The following UACA variants were observed in gnomAD, a reference collection of about 807,000 sequenced individuals.
UACA encodes the protein nuclear membrane binding protein.
UACA carries 112 observed loss-of-function variants against 160.5 expected under a neutral mutation model. The ratio of observed to expected loss-of-function variants is 0.70; its 90% CI spans 0.60 to 0.82. The LOEUF is 0.82. Ranked by LOEUF, UACA falls within the 40% of genes least tolerant of loss-of-function variation. UACA has a pLI of 0.00. For synonymous variants in UACA, 557 were observed against 568.4 expected, an observed-to-expected ratio of 0.98 and a Z score of 0.29; for missense variants, 1,574 against 1,614.6, an observed-to-expected ratio of 0.97 and a Z score of 0.43.
intron 1 of UACA, among the ~76,000 whole-genome samples, chr15:70,752,775 A>G (rs1187883638): frequency 1.3e-5 from 2 of 152,216 alleles, no homozygotes; most frequent in African/African-American, 4.8e-5. Flanking sequence ...ACACAGTTGT[A>G]GATACACACA....
intron 17 of UACA, 57 bp downstream of exon 17, chr15:70,664,605 C>T (rs1896836347): frequency 1.3e-6 from 2 of 1,532,780 alleles, no homozygotes; most frequent in Admixed American, 4.3e-5. Flanking sequence ...GCCTTACAAA[C>T]TAACTACAGG....
intron 1 of UACA, among the ~76,000 whole-genome samples, chr15:70,735,289 C>T (rs1489595834): frequency 6.6e-6 from 1 of 151,484 alleles, no homozygotes; most frequent in African/African-American, 2.4e-5. Context: ...CCACAAACCT[C>T]GGCAACACAC....
intron 1 of UACA, among the ~76,000 whole-genome samples, chr15:70,720,599 A>G (rs1174579528): frequency 6.6e-6 from 1 of 152,256 alleles, no homozygotes; most frequent in Non-Finnish European, 1.5e-5. Context: ...CTACATAGAT[A>G]AAAGACGTAG....
intron 13 of UACA, among the ~76,000 whole-genome samples, chr15:70,675,850 G>T (rs1359053404): frequency 2.0e-5 from 3 of 152,184 alleles, no homozygotes; most frequent in Non-Finnish European, 2.9e-5. Context: ...GCTTCACTTA[G>T]GCTCCTTTTT....
In UACA at chr15:70,657,551, T is replaced by C. The variant is rs554627299; in HGVS notation, c.4180-424A>G. On this transcript the variant is annotated intron_variant, in intron 18 of 18. Transcript: ENST00000322954. ...CAGAGGTTGCAGCGAACCAAGATTGTGGCACTGCACTCCAGCCTGGGTGAC... is the reference window on the plus strand; with the variant it reads ...CAGAGGTTGCAGCGAACCAAGATTGCGGCACTGCACTCCAGCCTGGGTGAC... Among the ~76,000 whole-genome samples, 6 of 152,220 alleles carry C rather than the reference T, an allele frequency of 3.9e-5. No individual in the cohort carries two copies. The East Asian group carries it at 1.2e-3, about 29-fold the overall frequency.
Position 70,660,153 on chromosome 15 carries a change from G to A in UACA, c.4177C>T (p.Gln1393Ter), listed in dbSNP as rs1420514544. The A allele has an allele frequency of 1.2e-6, 2 of 1,612,194 alleles. No individual in the cohort carries two copies. The highest frequency in any genetic ancestry group is 3.3e-5 in the Admixed American group (2 of 59,902). Reference sequence around the variant, plus strand: ...CCAAAGGAGAAGTAGTTCTTTACCTGTGCAGCACTAAGAAGGTGTGTCCGA... The same window carrying A: ...CCAAAGGAGAAGTAGTTCTTTACCTATGCAGCACTAAGAAGGTGTGTCCGA... ...IYRTHLLSAA[Q>*]GHMDEDVQEA... Residue 1393 changes from glutamine (Q) to a stop codon, truncating the protein, a stop_gained and splice_region_variant, in exon 18 of 19, where the codon CAG becomes TAG. Coordinates refer to ENST00000322954, the MANE Select transcript of UACA (RefSeq NM_018003.4). LOFTEE classifies it high-confidence loss of function.
At chr15:70,709,845 T>A (rs1898629350) in intron 1 of UACA, among the ~76,000 whole-genome samples, 1 of 152,328 alleles carries the variant, frequency 6.6e-6, no homozygotes, top group South Asian at 2.1e-4. Flanking sequence ...AGGTAACTAG[T>A]TTTAGCCTAA....
intron 13 of UACA, among the ~76,000 whole-genome samples, chr15:70,676,140 T>C (rs188860427): frequency 6.6e-6 from 1 of 152,314 alleles, no homozygotes; most frequent in East Asian, 1.9e-4. Flanking sequence ...CCTGGACATA[T>C]CATCATTCAT....
chr15:70,720,029 G>A (rs72755484), intron 1 of UACA, among the ~76,000 whole-genome samples: 8,059 of 152,206 alleles, frequency 0.053, 295 homozygotes, highest in Non-Finnish European at 0.076. Context: ...GGTCAGCCTG[G>A]TGAGAGGTGA....
rs999296341 is a variant in UACA, at chr15:70,688,261, C to T, written c.425-441G>A. Among the ~76,000 whole-genome samples, 7 of 151,992 alleles carry T rather than the reference C, an allele frequency of 4.6e-5. No homozygotes were observed. The East Asian group carries it at 1.3e-3, about 29-fold the overall frequency. On this transcript the variant is annotated intron_variant, in intron 5 of 18. Transcript: ENST00000322954. ...ATACAATTCATATTTCTCATAAAAG[C>T]AGAGATTGCAATGTCTACCTTTATG... is the stretch of plus-strand genomic sequence containing the variant.
At chr15:70,675,996 T>G (rs1897293760) in intron 13 of UACA, among the ~76,000 whole-genome samples, 1 of 152,192 alleles carries the variant, frequency 6.6e-6, no homozygotes. Context: ...TTCTTTATTT[T>G]GTTACAGCAG....
intron 1 of UACA, among the ~76,000 whole-genome samples, chr15:70,720,081 A>G (rs113069088): frequency 0.048 from 7,259 of 152,084 alleles, 614 homozygotes; most frequent in African/African-American, 0.17. Context: ...TGCTGTTCTC[A>G]TGAGATCTGG....
chr15:70,762,583 T>G (rs959924167), intron 1 of UACA, among the ~76,000 whole-genome samples: 9 of 152,214 alleles, frequency 5.9e-5, no homozygotes, highest in Admixed American at 5.9e-4. Context: ...GCGCGCACAC[T>G]GAGGCCGCGC....
chr15:70,773,572 A>C, the UACA span, among the ~76,000 whole-genome samples: 1 of 152,132 alleles, frequency 6.6e-6, no homozygotes, highest in Non-Finnish European at 1.5e-5. Context: ...CTCAGTTAGG[A>C]GCTTGGACAT....
intron 1 of UACA, among the ~76,000 whole-genome samples, chr15:70,750,124 A>G (rs1489811720): frequency 1.3e-5 from 2 of 152,090 alleles, no homozygotes; most frequent in African/African-American, 4.8e-5. Flanking sequence ...CCTCCTCTCC[A>G]TCCCTTCCAG....
intron 14 of UACA, chr15:70,671,660 A>G (rs1897145065): frequency 4.8e-6 from 1 of 207,402 alleles, no homozygotes; most frequent in African/African-American, 2.3e-5. Flanking sequence ...CCATAAAAAA[A>G]TGAACCCTAA....
intron 1 of UACA, among the ~76,000 whole-genome samples, chr15:70,742,449 A>T (rs573734513): frequency 6.6e-6 from 1 of 152,354 alleles, no homozygotes; most frequent in African/African-American, 2.4e-5. Context: ...ATTAAGGAAA[A>T]CACACAAGTT....
intron 9 of UACA, chr15:70,682,044 C>T (rs115520218): frequency 1.8e-3 from 276 of 152,300 alleles, no homozygotes; most frequent in African/African-American, 6.5e-3. Context: ...AGGGAACAGT[C>T]AGCAGGAGAG....
intron 3 of UACA, among the ~76,000 whole-genome samples, chr15:70,692,615 T>C (rs1367845465): frequency 6.6e-6 from 1 of 151,824 alleles, no homozygotes; most frequent in Non-Finnish European, 1.5e-5. Context: ...ACAAAACATA[T>C]AAAAATTAGT....
Sources: allele counts gnomAD v4.1 joint callset (sites outside exome capture counted in the v4.1 genomes callset), GRCh38; gene constraint gnomAD v4.1.1; transcripts MANE v1.5; gene names NCBI Gene and HGNC (gene_info 2026-07-23, HGNC 2026-07-21).